The following SLC35F1 variants were observed in gnomAD, a reference collection of about 807,000 sequenced individuals.
SLC35F1 encodes the protein chromosome 6 open reading frame 169.
SLC35F1 carries 14 observed loss-of-function variants against 48.7 expected under a neutral mutation model. The observed-to-expected ratio is 0.29, with a 90% confidence interval of 0.19 to 0.45. The LOEUF is 0.45. SLC35F1 is among the 20% of genes least tolerant of loss of function. The pLI is 1.00. For missense variants in SLC35F1, 404 were observed against 500.0 expected (o/e 0.81, Z 1.83); for synonymous variants, 190 against 202.2 (o/e 0.94, Z 0.51).
chr6:117,996,921 G>A (rs1166569637), intron 1 of SLC35F1, among the ~76,000 whole-genome samples: 2 of 152,346 alleles, frequency 1.3e-5, no homozygotes, highest in African/African-American at 4.8e-5. Context: ...AAAGCTGGAC[G>A]GAGAATGACT....
chr6:118,237,792 A>C (rs184636580), intron 3 of SLC35F1, among the ~76,000 whole-genome samples: 1 of 152,346 alleles, frequency 6.6e-6, no homozygotes, highest in Admixed American at 6.5e-5. Context: ...TCGTAGTTGC[A>C]CCAGTAATTT....
intron 1 of SLC35F1, among the ~76,000 whole-genome samples, chr6:118,084,593 T>C (rs1187102278): frequency 6.6e-6 from 1 of 152,068 alleles, no homozygotes; most frequent in African/African-American, 2.4e-5. Context: ...AGGTACAGTA[T>C]GTGGTGTGCT....
At chr6:118,079,225 A>G (rs570952410) in intron 1 of SLC35F1, among the ~76,000 whole-genome samples, 14 of 152,292 alleles carry the variant, frequency 9.2e-5, no homozygotes, top group African/African-American at 3.4e-4. Flanking sequence ...AGCTCTTGGT[A>G]GTCTCTACTC....
rs1318155286 is a variant in SLC35F1, at chr6:118,136,137, C to T, written c.174-18308C>T. Among the ~76,000 whole-genome samples the T allele has an allele frequency of 2.0e-5, 3 of 152,186 alleles. No individual in the cohort carries two copies. In the East Asian group the frequency reaches 5.8e-4, roughly 29 times the overall value. On this transcript the variant is annotated intron_variant, in intron 1 of 7. Coordinates refer to ENST00000360388, the MANE Select transcript of SLC35F1 (RefSeq NM_001029858.4). Reference sequence around the variant, plus strand: ...TGAGCATGTGGTACCTCCTCCCATCCCCACTGCCTGCCTTTAACTGGCCAT... The same window carrying T: ...TGAGCATGTGGTACCTCCTCCCATCTCCACTGCCTGCCTTTAACTGGCCAT...
At chr6:117,938,163 A>G (rs1281274978) in intron 1 of SLC35F1, among the ~76,000 whole-genome samples, 1 of 152,146 alleles carries the variant, frequency 6.6e-6, no homozygotes, top group Non-Finnish European at 1.5e-5. Flanking sequence ...GCTCTGGGGT[A>G]ATATAGAGGA....
rs1773484436 is a variant in SLC35F1 at position 118,117,014 on chromosome 6, T to C, written c.174-37431T>C. Among the ~76,000 whole-genome samples the C allele has an allele frequency of 2.0e-5, 3 of 152,172 alleles. No homozygotes were observed. In the South Asian group the frequency reaches 6.2e-4, roughly 32 times the overall value. On this transcript the variant is annotated intron_variant, in intron 1 of 7. Transcript: ENST00000360388. ...CAAGGCAGCATATTCTAATTTCATA[T>C]AGTTGTAGATTTGAGAGGGTTTGAC... is the stretch of plus-strand genomic sequence containing the variant.
intron 2 of SLC35F1, among the ~76,000 whole-genome samples, chr6:118,227,672 GTAAT>G (rs3079956): frequency 0.93 from 141,957 of 152,084 alleles, 66,314 homozygotes; most frequent in East Asian, 0.98. Flanking sequence ...CTTACATTGA[GTAAT>G]TAATTTGTCT....
intron 5 of SLC35F1, among the ~76,000 whole-genome samples, 194 bp from the exon 6 acceptor site, chr6:118,277,300 C>T (rs1775929790): frequency 6.6e-6 from 1 of 152,164 alleles, no homozygotes; most frequent in African/African-American, 2.4e-5. Flanking sequence ...CCTCACACAC[C>T]GACCGGGTTC....
At chr6:118,238,424 TAAA>T (rs1013877836) in intron 3 of SLC35F1, among the ~76,000 whole-genome samples, 1 of 44,766 alleles carries the variant, frequency 2.2e-5, no homozygotes, top group African/African-American at 8.0e-5. Context: ...ATCCCATCTC[TAAA>T]ATAATAATAA....
intron 2 of SLC35F1, among the ~76,000 whole-genome samples, chr6:118,187,423 A>T (rs1258877729): frequency 6.6e-6 from 1 of 152,252 alleles, no homozygotes; most frequent in African/African-American, 2.4e-5. Flanking sequence ...TGAGCAGATA[A>T]GTGAAAGTGA....
chr6:118,034,566 T>A (rs1318889226), intron 1 of SLC35F1, among the ~76,000 whole-genome samples: 2 of 151,702 alleles, frequency 1.3e-5, no homozygotes, highest in Non-Finnish European at 2.9e-5. Context: ...ACAAAATAAA[T>A]AAATAAATAA....
chr6:117,994,605 C>A (rs1172998343), intron 1 of SLC35F1, among the ~76,000 whole-genome samples: 1 of 152,112 alleles, frequency 6.6e-6, no homozygotes, highest in African/African-American at 2.4e-5. Flanking sequence ...TCCCAGAGGG[C>A]AAGGTATATT....
chr6:117,999,077 G>T (rs1029998632), intron 1 of SLC35F1: 226 of 1,536,834 alleles, frequency 1.5e-4, no homozygotes, highest in Non-Finnish European at 1.9e-4. Context: ...TCTTAAGGGG[G>T]TGGACCCCAA....
intron 1 of SLC35F1, among the ~76,000 whole-genome samples, chr6:118,104,875 A>C (rs1321344409): frequency 6.6e-6 from 1 of 152,018 alleles, no homozygotes; most frequent in African/African-American, 2.4e-5. Flanking sequence ...GTCTACTGTG[A>C]CCATGATGTT....
At chr6:118,114,185 G>T (rs1455769397) in intron 1 of SLC35F1, among the ~76,000 whole-genome samples, 1 of 152,126 alleles carries the variant, frequency 6.6e-6, no homozygotes, top group Admixed American at 6.5e-5. Flanking sequence ...CAGAATTGGG[G>T]CTTGAACTAG....
intron 1 of SLC35F1, among the ~76,000 whole-genome samples, chr6:117,999,818 C>T (rs1777063447): frequency 6.6e-6 from 1 of 151,890 alleles, no homozygotes; most frequent in Non-Finnish European, 1.5e-5. Flanking sequence ...ATACTACAAA[C>T]ACCTCTACGC....
chr6:118,262,272 G>A (rs1471573465), intron 3 of SLC35F1, among the ~76,000 whole-genome samples: 1 of 152,010 alleles, frequency 6.6e-6, no homozygotes, highest in African/African-American at 2.4e-5. Flanking sequence ...AGAGAAGCTC[G>A]AGTAGATTTT....
chr6:118,206,695 C>G (rs913552571), intron 2 of SLC35F1, among the ~76,000 whole-genome samples: 1 of 152,090 alleles, frequency 6.6e-6, no homozygotes, highest in African/African-American at 2.4e-5. Flanking sequence ...AGTTGGGCCA[C>G]TTGAGAGGTG....
chr6:118,149,064 C>G (rs937514033), intron 1 of SLC35F1, among the ~76,000 whole-genome samples: 2 of 152,172 alleles, frequency 1.3e-5, no homozygotes, highest in Non-Finnish European at 2.9e-5. Flanking sequence ...TCCAGCAGTC[C>G]TCAAGGCACT....
Sources: gnomAD v4.1 joint callset for allele counts (sites outside exome capture counted in the v4.1 genomes callset) on GRCh38, gnomAD v4.1.1 for gene constraint, MANE v1.5 for transcripts, NCBI Gene and HGNC (gene_info 2026-07-23, HGNC 2026-07-21) for gene names.